Variants in EIF2AK2 observed in about 807,000 individuals in gnomAD.
The protein encoded by EIF2AK2 is interferon-induced, double-stranded RNA-activated protein kinase.
A neutral mutation model predicts 70.5 loss-of-function variants in EIF2AK2; 40 were observed. The observed-to-expected ratio is 0.57, with a 90% confidence interval of 0.44 to 0.74. EIF2AK2 has a LOEUF of 0.74. Among genes scored for constraint, EIF2AK2 ranks in the 30% least tolerant of loss-of-function variants. EIF2AK2 has a pLI of 0.00. For synonymous variants in EIF2AK2, 198 were observed against 220.9 expected, an observed-to-expected ratio of 0.90 and a Z score of 0.92; for missense variants, 555 against 644.3, an observed-to-expected ratio of 0.86 and a Z score of 1.50.
At chr2:37,122,432 T>C in intron 12 of EIF2AK2, 74 bp downstream of exon 12, 2 of 1,460,236 alleles carry the variant, frequency 1.4e-6, no homozygotes, top group Non-Finnish European at 1.9e-6. Flanking sequence ...AATAGCCTTA[T>C]CCAGTGGCCC....
chr2:37,137,212 A>G (rs1317346812), intron 8 of EIF2AK2, among the ~76,000 whole-genome samples, 195 bp from the exon 9 acceptor site: 1 of 152,178 alleles, frequency 6.6e-6, no homozygotes, highest in African/African-American at 2.4e-5. Context: ...ATGAGTTTAA[A>G]ATAGTATCTA....
rs78893930 is a variant in EIF2AK2 at position 37,115,573 on chromosome 2, C to G, written c.1249-714G>C. 1.5e-4 allele frequency among the ~76,000 whole-genome samples: 23 copies of G among 152,222 alleles called. No individual in the cohort carries two copies. In the East Asian group the frequency reaches 2.5e-3, roughly 17 times the overall value. ...CAAAGAATGGGAGTTAGACAGTTCCCCATCCCAAGATAGGGCTGAACAACC... is the reference window on the plus strand; with the variant it reads ...CAAAGAATGGGAGTTAGACAGTTCCGCATCCCAAGATAGGGCTGAACAACC... On this transcript the variant is annotated intron_variant, in intron 13 of 16. Coordinates refer to ENST00000233057, the MANE Select transcript of EIF2AK2 (RefSeq NM_001135651.3).
chr2:37,113,248 C>A (rs1270052236), intron 14 of EIF2AK2, among the ~76,000 whole-genome samples: 7 of 152,046 alleles, frequency 4.6e-5, no homozygotes, highest in Non-Finnish European at 1.0e-4. Context: ...GTAATCCCAG[C>A]ACTTTGGGAG....
chr2:37,119,021 TGA>T (rs1158779215), intron 13 of EIF2AK2, among the ~76,000 whole-genome samples: 1 of 152,010 alleles, frequency 6.6e-6, no homozygotes, highest in African/African-American at 2.4e-5. Flanking sequence ...GAGTGTCCCA[TGA>T]GAGAGAAGAA....
intron 1 of EIF2AK2, among the ~76,000 whole-genome samples, chr2:37,155,876 G>A (rs1243287100): frequency 6.6e-6 from 1 of 150,864 alleles, no homozygotes; most frequent in East Asian, 1.9e-4. Flanking sequence ...GAGAGGCAGA[G>A]GTTGCAGTGA....
In EIF2AK2 at chr2:37,148,872, G is replaced by A; in HGVS notation, c.-32C>T. On this transcript the variant is annotated 5_prime_UTR_variant, in exon 2 of 17. Coordinates refer to ENST00000233057, the MANE Select transcript of EIF2AK2 (RefSeq NM_001135651.3). Reference sequence around the variant, plus strand: ...CCGCTTGTACCTGGTTGGAAGCTTTGTCCAAAATGCACGCAGATAATCACG... The same window carrying A: ...CCGCTTGTACCTGGTTGGAAGCTTTATCCAAAATGCACGCAGATAATCACG... 1 of 839,894 alleles carries A rather than the reference G, an allele frequency of 1.2e-6. No individual in the cohort carries two copies. Among genetic ancestry groups the A allele is most frequent in the South Asian group, 1.3e-5 (1 of 75,006 alleles). 52.0% of individuals were successfully genotyped at this position (839,894 alleles called of 1,614,324 possible).
At chr2:37,129,506 T>G (rs1461678257) in intron 10 of EIF2AK2, among the ~76,000 whole-genome samples, 1 of 152,094 alleles carries the variant, frequency 6.6e-6, no homozygotes, top group Non-Finnish European at 1.5e-5. Context: ...AGACTGAGGG[T>G]ACCCGGCATC....
chr2:37,135,994 T>C (rs1332475625), intron 9 of EIF2AK2, among the ~76,000 whole-genome samples: 1 of 152,182 alleles, frequency 6.6e-6, no homozygotes, highest in Non-Finnish European at 1.5e-5. Context: ...TACTTTTTCA[T>C]CCCTCCTCTG....
At chr2:37,120,523 A>AAAAAAACGAG (rs1674505553) in intron 12 of EIF2AK2, among the ~76,000 whole-genome samples, 3 of 15,188 alleles carry the variant, frequency 2.0e-4, no homozygotes, top group Non-Finnish European at 6.9e-4. Context: ...AAAAAAAAAA[A>AAAAAAACGAG]AAGAAAAAAA....
intron 15 of EIF2AK2, among the ~76,000 whole-genome samples, chr2:37,107,911 C>T (rs1405911009): frequency 6.6e-6 from 1 of 151,894 alleles, no homozygotes; most frequent in African/African-American, 2.4e-5. Flanking sequence ...TCTGGGAGGC[C>T]GAGGCGGGTG....
At chr2:37,137,076 C>T (rs1679059154) in intron 8 of EIF2AK2, 59 bp from the exon 9 acceptor site, 1 of 1,469,082 alleles carries the variant, frequency 6.8e-7, no homozygotes, top group South Asian at 1.3e-5. Flanking sequence ...TCTTCCTTTC[C>T]CGTTTTCCTT....
chr2:37,112,460 T>A (rs1674193876), intron 14 of EIF2AK2, among the ~76,000 whole-genome samples: 1 of 152,192 alleles, frequency 6.6e-6, no homozygotes, highest in South Asian at 2.1e-4. Context: ...AATCCTCAAA[T>A]TTGATGCAAT....
At chr2:37,137,939 C>T (rs866041431) in intron 8 of EIF2AK2, among the ~76,000 whole-genome samples, 1 of 151,868 alleles carries the variant, frequency 6.6e-6, no homozygotes, top group Non-Finnish European at 1.5e-5. Flanking sequence ...GGTGAAACCC[C>T]GTCTCTACTA....
chr2:37,154,915 C>A (rs185605725), intron 1 of EIF2AK2, among the ~76,000 whole-genome samples: 63 of 148,494 alleles, frequency 4.2e-4, no homozygotes, highest in African/African-American at 1.5e-3. Context: ...TTTCCTGGTT[C>A]ATCTTCAACT....
intron 10 of EIF2AK2, among the ~76,000 whole-genome samples, chr2:37,129,638 C>A (rs1226491035): frequency 6.6e-6 from 1 of 152,048 alleles, no homozygotes; most frequent in African/African-American, 2.4e-5. Context: ...ATACCAAGGC[C>A]CATTAGAATG....
chr2:37,143,408 T>C (rs1000143525), intron 4 of EIF2AK2, among the ~76,000 whole-genome samples: 1 of 152,182 alleles, frequency 6.6e-6, no homozygotes, highest in African/African-American at 2.4e-5. Context: ...ACCAGTCACA[T>C]GTATATTGGT....
rs1208496378 is a variant in EIF2AK2 at position 37,099,498 on chromosome 2, C to T, written c.*7775G>A. 1 of 152,066 alleles carries T rather than the reference C, an allele frequency of 6.6e-6. No homozygotes were observed. Among genetic ancestry groups the T allele is most frequent in the Non-Finnish European group, 1.5e-5 (1 of 68,014 alleles). 9.4% of individuals were successfully genotyped at this position (152,066 alleles called of 1,614,324 possible). A position where few individuals can be genotyped will look rare whatever the true frequency, so the allele number is the denominator to read the frequency against. ...ACAAACTGGTAAGAACAATTAGGTA[C>T]TAAACAATGGGAGTACTAGGGAGAA... On this transcript the variant is annotated 3_prime_UTR_variant, in exon 17 of 17. Coordinates refer to ENST00000233057, the MANE Select transcript of EIF2AK2 (RefSeq NM_001135651.3).
intron 12 of EIF2AK2, among the ~76,000 whole-genome samples, chr2:37,122,080 G>A (rs970304177): frequency 2.0e-5 from 3 of 152,116 alleles, no homozygotes; most frequent in Non-Finnish European, 2.9e-5. Flanking sequence ...ACCCTCTGAC[G>A]GCACCACACC....
At position 37,120,751 on chromosome 2, in the gene EIF2AK2, T is replaced by C. The variant is rs1249985164; in HGVS notation, c.1068-612A>G. 2.1e-5 allele frequency among the ~76,000 whole-genome samples: 3 copies of C among 143,110 alleles called. No homozygotes were observed. In the Admixed American group the frequency reaches 2.2e-4, roughly 10 times the overall value. 93.9% of individuals were successfully genotyped at this position (143,110 alleles called of 152,430 possible). ...GCCGAGACTGGCGGATTGCTTGAGC[T>C]CAGGAGTTTGAGACCAGCCTGGGCA... is the stretch of plus-strand genomic sequence containing the variant. On this transcript the variant is annotated intron_variant, in intron 12 of 16. Transcript: ENST00000233057.
Sources: gnomAD v4.1 joint callset for allele counts (sites outside exome capture counted in the v4.1 genomes callset) on GRCh38, gnomAD v4.1.1 for gene constraint, MANE v1.5 for transcripts, NCBI Gene and HGNC (gene_info 2026-07-23, HGNC 2026-07-21) for gene names.